Variants in DCC observed in about 807,000 individuals in gnomAD.
DCC encodes netrin receptor DCC.
A neutral mutation model predicts 172.5 loss-of-function variants in DCC; 58 were observed. That is an observed-to-expected ratio of 0.34 (90% CI 0.27 to 0.42). The LOEUF is 0.42. Among genes scored for constraint, DCC ranks in the 10% least tolerant of loss-of-function variants. The pLI is 1.00. For missense variants in DCC, 1,740 were observed against 1,791.0 expected (o/e 0.97, Z 0.51); for synonymous variants, 709 against 644.5 (o/e 1.10, Z -1.52).
chr18:53,422,991 G>A (rs976291701), intron 21 of DCC, among the ~76,000 whole-genome samples: 4 of 152,116 alleles, frequency 2.6e-5, no homozygotes, highest in Non-Finnish European at 5.9e-5. Flanking sequence ...AATGAATAAT[G>A]TGCTTTTAAT....
At chr18:52,424,607 C>A (rs565903533) in intron 1 of DCC, among the ~76,000 whole-genome samples, 1 of 152,234 alleles carries the variant, frequency 6.6e-6, no homozygotes, top group Admixed American at 6.5e-5. Context: ...CTAAATCAGG[C>A]TTTGGCTTCT....
rs1238147383 is a variant in DCC, at chr18:53,351,315, ACACTG to A, written c.2359+11409_2359+11413del. 5.3e-3 allele frequency among the ~76,000 whole-genome samples: 103 copies of A among 19,496 alleles called. 4 individuals carry two copies. Among genetic ancestry groups the A allele is most frequent in the Admixed American group, 9.6e-3 (10 of 1,042 alleles). 12.8% of individuals were successfully genotyped at this position (19,496 alleles called of 152,430 possible). A position where few individuals can be genotyped will look rare whatever the true frequency, so the allele number is the denominator to read the frequency against. ...AGTATATATATATATATATATATAT[ACACTG>A]TATATATATATACAGTGTATATATA... On this transcript the variant is annotated intron_variant, in intron 15 of 28. Transcript: ENST00000442544.
chr18:53,072,807 A>C (rs776040893), intron 7 of DCC, among the ~76,000 whole-genome samples: 2 of 152,210 alleles, frequency 1.3e-5, no homozygotes, highest in Non-Finnish European at 2.9e-5. Context: ...TGTGTGGTGG[A>C]GTAGACAGAG....
At chr18:53,449,411 T>C (rs2045377632) in intron 22 of DCC, among the ~76,000 whole-genome samples, 1 of 152,214 alleles carries the variant, frequency 6.6e-6, no homozygotes, top group Non-Finnish European at 1.5e-5. Flanking sequence ...TCCACCTACA[T>C]ATTTTCTGCC....
At chr18:52,997,874 C>T (rs1372996196) in intron 5 of DCC, among the ~76,000 whole-genome samples, 3 of 151,942 alleles carry the variant, frequency 2.0e-5, no homozygotes, top group Non-Finnish European at 4.4e-5. Flanking sequence ...TGTCACCTGG[C>T]AAATTTCAAC....
At chr18:52,991,406 T>C (rs7504990) in intron 5 of DCC, among the ~76,000 whole-genome samples, 110,589 of 152,064 alleles carry the variant, frequency 0.73, 40,371 homozygotes, top group East Asian at 0.75. Context: ...ATTGGCAGAT[T>C]GAAGGGCGTA....
intron 1 of DCC, among the ~76,000 whole-genome samples, chr18:52,402,371 A>G (rs975294346): frequency 1.3e-5 from 2 of 151,928 alleles, no homozygotes; most frequent in Admixed American, 6.6e-5. Flanking sequence ...ATGGGCCTCT[A>G]TCGCATGTTT....
chr18:53,169,606 T>TTACA (rs1381115906), intron 8 of DCC, among the ~76,000 whole-genome samples: 1 of 152,152 alleles, frequency 6.6e-6, no homozygotes, highest in Non-Finnish European at 1.5e-5. Context: ...CCATCTGGTG[T>TTACA]TACAGATCAT....
intron 1 of DCC, among the ~76,000 whole-genome samples, chr18:52,582,478 T>A (rs1180763328): frequency 6.6e-6 from 1 of 152,242 alleles, no homozygotes; most frequent in Non-Finnish European, 1.5e-5. Flanking sequence ...ATACGCAGCA[T>A]CTTGGTTTAT....
chr18:53,403,282 A>G (rs935049876), intron 19 of DCC, among the ~76,000 whole-genome samples: 11 of 122,934 alleles, frequency 8.9e-5, no homozygotes, highest in African/African-American at 2.5e-4. Flanking sequence ...AAAGATGCTT[A>G]ATGACTGTGT....
chr18:52,817,247 A>G (rs2145262639), intron 2 of DCC, among the ~76,000 whole-genome samples: 1 of 152,218 alleles, frequency 6.6e-6, no homozygotes, highest in East Asian at 1.9e-4. Context: ...CTTTTTGTGT[A>G]ATATTTCTTG....
chr18:52,897,636 C>A (rs1227324126), intron 2 of DCC, among the ~76,000 whole-genome samples: 2 of 152,130 alleles, frequency 1.3e-5, no homozygotes, highest in Non-Finnish European at 2.9e-5. Flanking sequence ...GGTAATCTGC[C>A]TATACTGTTT....
intron 21 of DCC, among the ~76,000 whole-genome samples, chr18:53,429,046 AT>A (rs1911389474): frequency 1.6e-4 from 4 of 25,280 alleles, no homozygotes; most frequent in South Asian, 2.6e-3. Flanking sequence ...TATTTTATAT[AT>A]AATATATTAT....
At chr18:53,493,721 A>AT (rs1273029342) in intron 26 of DCC, among the ~76,000 whole-genome samples, 1 of 151,756 alleles carries the variant, frequency 6.6e-6, no homozygotes, top group East Asian at 1.9e-4. Flanking sequence ...CAGCTCCTTG[A>AT]TTCATTGATT....
intron 3 of DCC, among the ~76,000 whole-genome samples, chr18:52,913,264 G>A (rs1287238659): frequency 6.6e-6 from 1 of 152,094 alleles, no homozygotes; most frequent in Non-Finnish European, 1.5e-5. Context: ...CCATTCAGAT[G>A]TAACAAAGCC....
chr18:52,733,454 C>T (rs560298451), intron 1 of DCC, among the ~76,000 whole-genome samples: 8 of 152,088 alleles, frequency 5.3e-5, no homozygotes, highest in Admixed American at 5.2e-4. Flanking sequence ...GCAGCCATCC[C>T]TTTCAAGTTA....
chr18:52,552,883 C>T (rs2032814407), intron 1 of DCC, among the ~76,000 whole-genome samples: 1 of 151,904 alleles, frequency 6.6e-6, no homozygotes, highest in Admixed American at 6.6e-5. Flanking sequence ...GATATGTATA[C>T]AAGAAAAATA....
intron 5 of DCC, among the ~76,000 whole-genome samples, chr18:52,972,009 A>G (rs1158779997): frequency 1.3e-5 from 2 of 152,148 alleles, no homozygotes; most frequent in South Asian, 2.1e-4. Flanking sequence ...TTAACTCACA[A>G]TAAGGTGCTG....
chr18:52,449,016 A>T (rs1365485834), intron 1 of DCC, among the ~76,000 whole-genome samples: 1 of 152,246 alleles, frequency 6.6e-6, no homozygotes, highest in African/African-American at 2.4e-5. Context: ...AAGAAATGTA[A>T]TGGATTTACA....
Sources: allele counts gnomAD v4.1 joint callset (sites outside exome capture counted in the v4.1 genomes callset), GRCh38; gene constraint gnomAD v4.1.1; transcripts MANE v1.5; gene names NCBI Gene and HGNC (gene_info 2026-07-23, HGNC 2026-07-21).